Variants in GALNT17 observed in about 807,000 individuals in gnomAD.
GALNT17 encodes UDP-GalNAc:polypeptide N-acetylgalactosaminyltransferase-like 3.
GALNT17 carries 29 observed loss-of-function variants against 63.7 expected under a neutral mutation model. The observed-to-expected ratio is 0.46, with a 90% CI of 0.34 to 0.62. The LOEUF is 0.62. GALNT17 is among the 20% of genes least tolerant of loss of function. The probability of loss-of-function intolerance (pLI) is 0.01; values close to 1 mark genes in which losing one functional copy is unlikely to be tolerated. For synonymous variants in GALNT17, 305 were observed against 318.3 expected, an observed-to-expected ratio of 0.96 and a Z score of 0.45; for missense variants, 603 against 799.6, an observed-to-expected ratio of 0.75 and a Z score of 2.97.
At chr7:71,618,603 A>G (rs1180013513) in intron 6 of GALNT17, among the ~76,000 whole-genome samples, 2 of 152,010 alleles carry the variant, frequency 1.3e-5, no homozygotes, top group African/African-American at 4.8e-5. Flanking sequence ...TGGCTCACTT[A>G]TATGTCTTCT....
intron 5 of GALNT17, among the ~76,000 whole-genome samples, chr7:71,514,180 G>A (rs886221620): frequency 3.3e-5 from 5 of 152,114 alleles, no homozygotes; most frequent in African/African-American, 1.2e-4. Flanking sequence ...AGGTGATAGA[G>A]CAAGACCCTA....
chr7:71,572,467 A>G (rs1789459474), intron 6 of GALNT17, among the ~76,000 whole-genome samples: 2 of 129,492 alleles, frequency 1.5e-5, no homozygotes, highest in Admixed American at 1.9e-4. Flanking sequence ...ATGCCATTAC[A>G]CTCCAGCCCA....
chr7:71,403,344 A>G (rs1026871227), intron 3 of GALNT17, among the ~76,000 whole-genome samples: 1 of 152,192 alleles, frequency 6.6e-6, no homozygotes, highest in Non-Finnish European at 1.5e-5. Context: ...GCTTTGGTAC[A>G]TTGGCTTTTT....
intron 9 of GALNT17, among the ~76,000 whole-genome samples, chr7:71,703,947 G>A (rs1791688739): frequency 5.3e-5 from 8 of 152,192 alleles, no homozygotes; most frequent in Admixed American, 5.2e-4. Flanking sequence ...ATAGGAGATT[G>A]AGGAGGAAGA....
intron 1 of GALNT17, among the ~76,000 whole-genome samples, chr7:71,256,297 C>T (rs1434096589): frequency 1.3e-5 from 2 of 152,160 alleles, no homozygotes; most frequent in African/African-American, 2.4e-5. Context: ...ATGGGCTAGG[C>T]GTGGTGGCTC....
In GALNT17 at chr7:71,278,534, A is replaced by G. The variant is rs552192095; in HGVS notation, c.239-57016A>G. 8.5e-5 allele frequency among the ~76,000 whole-genome samples: 13 copies of G among 152,328 alleles called. No homozygotes were observed. The East Asian group carries it at 2.5e-3, about 29-fold the overall frequency. On this transcript the variant is annotated intron_variant, in intron 1 of 10. Coordinates refer to ENST00000333538, the MANE Select transcript of GALNT17 (RefSeq NM_022479.3). The stretch of plus-strand genomic sequence containing the variant: ...ATGACCTTTGTCGTAATATGTTCTC[A>G]GGCTGCTACAAAGAATTGCCAGAGA...
chr7:71,592,570 A>AAAATAAAATAAAATAAAATAAAAT (rs1789824975), intron 6 of GALNT17, among the ~76,000 whole-genome samples: 1 of 145,656 alleles, frequency 6.9e-6, no homozygotes, highest in Non-Finnish European at 1.5e-5. Context: ...ATACTAAAAT[A>AAAATAAAATAAAATAAAATAAAAT]AAATAAAATA....
rs1791184036 is a variant in GALNT17 at position 71,300,912 on chromosome 7, C to T, written c.239-34638C>T. 2.6e-5 allele frequency: 4 copies of T among 152,926 alleles called. No individual in the cohort carries two copies. In the Middle Eastern group the frequency reaches 0.01, roughly 390 times the overall value. 9.5% of individuals were successfully genotyped at this position (152,926 alleles called of 1,614,324 possible). On this transcript the variant is annotated intron_variant, in intron 1 of 10. Transcript: ENST00000333538. ...CTTGGAAGCTGGACTCAGTTATTTTCGGTAATGTATCATCAACCACTTATT... is the reference window on the plus strand; with the variant it reads ...CTTGGAAGCTGGACTCAGTTATTTTTGGTAATGTATCATCAACCACTTATT...
Position 71,441,480 on chromosome 7 carries a change from A to G in GALNT17, c.962+20375A>G, listed in dbSNP as rs187791261. ...TTTTTCTTTTTCTTTTTCTTTTTTTAATTTTACTTTAAGTTCTGGGATACA... is the reference window on the plus strand; with the variant it reads ...TTTTTCTTTTTCTTTTTCTTTTTTTGATTTTACTTTAAGTTCTGGGATACA... On this transcript the variant is annotated intron_variant, in intron 5 of 10. Transcript: ENST00000333538. 4.6e-3 allele frequency among the ~76,000 whole-genome samples: 692 copies of G among 150,980 alleles called. 4 individuals carry two copies. Among genetic ancestry groups the G allele is most frequent in the African/African-American group, 0.015 (627 of 41,068 alleles).
intron 5 of GALNT17, among the ~76,000 whole-genome samples, chr7:71,566,018 GGTTTT>G (rs1451408440): frequency 1.4e-5 from 2 of 146,192 alleles, no homozygotes; most frequent in African/African-American, 5.1e-5. Flanking sequence ...TAATTTTGTG[GGTTTT>G]GTTTGTTTGT....
chr7:71,632,613 G>A (rs1790468005), intron 6 of GALNT17, among the ~76,000 whole-genome samples: 1 of 152,098 alleles, frequency 6.6e-6, no homozygotes, highest in African/African-American at 2.4e-5. Flanking sequence ...AGAGAATCTG[G>A]GACCACGCTA....
intron 5 of GALNT17, among the ~76,000 whole-genome samples, chr7:71,457,031 T>G (rs1233688054): frequency 6.6e-6 from 1 of 152,142 alleles, no homozygotes; most frequent in Non-Finnish European, 1.5e-5. Context: ...AATACACAAT[T>G]TAGTCTGGCT....
intron 1 of GALNT17, among the ~76,000 whole-genome samples, chr7:71,209,489 G>A (rs73364041): frequency 0.041 from 6,305 of 152,186 alleles, 435 homozygotes; most frequent in African/African-American, 0.14. Flanking sequence ...GTGGTGGCAT[G>A]ACACTTTATT....
chr7:71,376,366 A>T, intron 2 of GALNT17, among the ~76,000 whole-genome samples: 1 of 132,112 alleles, frequency 7.6e-6, no homozygotes, highest in East Asian at 2.3e-4. Context: ...TTTACCCTTA[A>T]TTGTTTTTAG....
chr7:71,392,971 T>A (rs909380546), intron 3 of GALNT17, among the ~76,000 whole-genome samples: 1 of 152,232 alleles, frequency 6.6e-6, no homozygotes, highest in Non-Finnish European at 1.5e-5. Context: ...AATCATGGAA[T>A]TGAATTCCTG....
At chr7:71,568,302 A>G (rs1035285889) in intron 5 of GALNT17, among the ~76,000 whole-genome samples, 5 of 152,130 alleles carry the variant, frequency 3.3e-5, no homozygotes, top group African/African-American at 4.8e-5. Context: ...TTCAGTGGAG[A>G]TGGTTCTGCC....
At position 71,294,086 on chromosome 7, in the gene GALNT17, C is replaced by T. The variant is rs181605490; in HGVS notation, c.239-41464C>T. On this transcript the variant is annotated intron_variant, in intron 1 of 10. Coordinates refer to ENST00000333538, the MANE Select transcript of GALNT17 (RefSeq NM_022479.3). ...CTGAGGCAGGAGAATGGTGTGAACC[C>T]GGGAGGTGGAGCTTGCAGTGAGCCG... Among the ~76,000 whole-genome samples, 450 of 150,840 alleles carry T rather than the reference C, an allele frequency of 3.0e-3. 3 individuals are homozygous for T. The highest frequency in any genetic ancestry group is 0.011 in the African/African-American group (434 of 41,066).
At chr7:71,610,040 A>G (rs372553798) in intron 6 of GALNT17, among the ~76,000 whole-genome samples, 9 of 152,194 alleles carry the variant, frequency 5.9e-5, no homozygotes, top group Non-Finnish European at 7.3e-5. Context: ...TGAATCAGTC[A>G]CAAAAATTGA....
rs535657769 is a variant in GALNT17 at position 71,345,924 on chromosome 7, T to C, written c.422+10191T>C. On this transcript the variant is annotated intron_variant, in intron 2 of 10. Coordinates refer to ENST00000333538, the MANE Select transcript of GALNT17 (RefSeq NM_022479.3). ...CCAGCTGGGTGTGGGGGCTCATGCC[T>C]GTAATCCCAACACTTTGAGAGGCTG... is the stretch of plus-strand genomic sequence containing the variant. Among the ~76,000 whole-genome samples, 6 of 151,808 alleles carry C rather than the reference T, an allele frequency of 4.0e-5. No homozygotes were observed. In the South Asian group the frequency reaches 1.2e-3, roughly 32 times the overall value.
Sources: allele counts gnomAD v4.1 joint callset (sites outside exome capture counted in the v4.1 genomes callset), GRCh38; gene constraint gnomAD v4.1.1; transcripts MANE v1.5; gene names NCBI Gene and HGNC (gene_info 2026-07-23, HGNC 2026-07-21).